Variants in CPT1A observed in about 807,000 individuals in gnomAD.
The protein encoded by CPT1A is carnitine O-palmitoyltransferase 1, liver isoform.
A neutral mutation model predicts 100.8 loss-of-function variants in CPT1A; 64 were observed. The ratio of observed to expected loss-of-function variants is 0.63; its 90% CI spans 0.52 to 0.78. CPT1A has a LOEUF of 0.78. Among genes scored for constraint, CPT1A ranks in the 30% least tolerant of loss-of-function variants. The pLI, the probability that CPT1A is intolerant of heterozygous loss-of-function variation, is 0.00. For missense variants in CPT1A, 802 were observed against 1,034.1 expected (o/e 0.78, Z 3.08); for synonymous variants, 363 against 396.0 (o/e 0.92, Z 0.99).
At chr11:68,773,557 T>C in intron 13 of CPT1A, 128 bp from the exon 14 acceptor site, 1 of 1,521,756 alleles carries the variant, frequency 6.6e-7, no homozygotes. Context: ...CACAAACGTT[T>C]TCCTGACCCA....
chr11:68,779,444 T>C (rs1052320973), intron 12 of CPT1A, among the ~76,000 whole-genome samples: 3 of 141,290 alleles, frequency 2.1e-5, no homozygotes, highest in Non-Finnish European at 4.5e-5. Context: ...ATTTAATTTC[T>C]CATGCCAAAC....
Position 68,755,066 on chromosome 11 carries a change from T to C in CPT1A, c.*2578A>G, listed in dbSNP as rs188446249. The C allele has an allele frequency of 4.4e-5, 24 of 550,876 alleles. No individual in the cohort carries two copies. The highest frequency in any genetic ancestry group is 6.8e-5 in the Non-Finnish European group (21 of 308,352). The allele number at this position is 550,876 out of a possible 1,614,324, so 34.1% of individuals were successfully genotyped here. A position where few individuals can be genotyped will look rare whatever the true frequency, so the allele number is the denominator to read the frequency against. On this transcript the variant is annotated 3_prime_UTR_variant, in exon 19 of 19. Transcript: ENST00000265641. ...TTAAATTAAACAGATAATACTCTTA[T>C]CACCCCCCTTGGACATGTACAATAA...
At chr11:68,812,658 G>A in intron 2 of CPT1A, 82 bp from the exon 3 acceptor site, 2 of 1,542,666 alleles carry the variant, frequency 1.3e-6, no homozygotes, top group Non-Finnish European at 1.8e-6. Context: ...TGGCAGCAGG[G>A]CTGCTGGGAC....
At chr11:68,761,031 A>AAAAT (rs985289742) in intron 16 of CPT1A, among the ~76,000 whole-genome samples, 10 of 151,762 alleles carry the variant, frequency 6.6e-5, no homozygotes, top group South Asian at 2.1e-4. Context: ...CAAAAAATAA[A>AAAAT]AAATAAATAA....
intron 9 of CPT1A, among the ~76,000 whole-genome samples, chr11:68,787,980 GCA>G (rs1470432715): frequency 1.3e-5 from 2 of 149,440 alleles, no homozygotes; most frequent in East Asian, 4.0e-4. Context: ...TTTAGGACAC[GCA>G]CAGAGGGATG....
At chr11:68,781,590 A>C (rs896894971) in intron 11 of CPT1A, among the ~76,000 whole-genome samples, 181 bp downstream of exon 11, 2 of 152,236 alleles carry the variant, frequency 1.3e-5, no homozygotes, top group African/African-American at 2.4e-5. Flanking sequence ...ACTGCACTCC[A>C]GCCTGGGTGA....
intron 13 of CPT1A, 76 bp downstream of exon 13, chr11:68,775,240 G>T: frequency 8.0e-7 from 1 of 1,250,412 alleles, no homozygotes; most frequent in Non-Finnish European, 1.2e-6. Flanking sequence ...AACTACGGTT[G>T]GAAAATTCAT....
intron 7 of CPT1A, among the ~76,000 whole-genome samples, chr11:68,796,384 C>T (rs1855755646): frequency 6.6e-6 from 1 of 152,094 alleles, no homozygotes; most frequent in African/African-American, 2.4e-5. Flanking sequence ...TGGTCAAACC[C>T]CGTCTCTACT....
At chr11:68,828,742 A>AGCAG (rs113202467) in intron 1 of CPT1A, among the ~76,000 whole-genome samples, 118,142 of 151,774 alleles carry the variant, frequency 0.78, 48,443 homozygotes, top group Non-Finnish European at 0.92. Flanking sequence ...GGCTTGGGCA[A>AGCAG]GCGTCCGCCT....
chr11:68,759,336 A>G (rs1346882515), intron 18 of CPT1A, among the ~76,000 whole-genome samples: 1 of 151,746 alleles, frequency 6.6e-6, no homozygotes, highest in African/African-American at 2.4e-5. Context: ...CAGAGGTTAC[A>G]GTGAGCCAAG....
At chr11:68,813,173 T>A (rs1047775071) in intron 2 of CPT1A, among the ~76,000 whole-genome samples, 32 of 151,846 alleles carry the variant, frequency 2.1e-4, no homozygotes, top group African/African-American at 7.5e-4. Context: ...CAACTCCAAT[T>A]AAAAAAAATT....
At position 68,757,369 on chromosome 11, in the gene CPT1A, T is replaced by C; in HGVS notation, c.*275A>G. ...TAATTCCTTCATTAACTCAACAAGA[T>C]TTGCATCCCTTAATAAATCCAAGCC... On this transcript the variant is annotated 3_prime_UTR_variant, in exon 19 of 19. Coordinates refer to ENST00000265641, the MANE Select transcript of CPT1A (RefSeq NM_001876.4). The C allele has an allele frequency of 7.5e-7, 1 of 1,324,840 alleles. No individual in the cohort carries two copies. Among genetic ancestry groups the C allele is most frequent in the Non-Finnish European group, 9.7e-7 (1 of 1,032,372 alleles). 82.1% of individuals were successfully genotyped at this position (1,324,840 alleles called of 1,614,324 possible).
chr11:68,799,186 T>C lies in CPT1A; in HGVS notation c.693+32A>G, dbSNP rs1241045519. 2.5e-6 allele frequency: 4 copies of C among 1,604,176 alleles called. No individual in the cohort carries two copies. The African/African-American group carries it at 5.4e-5, about 21-fold the overall frequency. ...AATTAGCGTCTTCATACGGAAAAAT[T>C]TCATCAAGAAAAACTGTGTATACAG... On this transcript the variant is annotated intron_variant, in intron 6 of 18. Transcript: ENST00000265641.
At chr11:68,810,464 C>G (rs1208143638) in intron 3 of CPT1A, among the ~76,000 whole-genome samples, 1 of 152,190 alleles carries the variant, frequency 6.6e-6, no homozygotes, top group Non-Finnish European at 1.5e-5. Flanking sequence ...TTCTTGCAGA[C>G]TCTTATAGAG....
At position 68,799,354 on chromosome 11, in the gene CPT1A, T is replaced by C. The variant is rs759188040; in HGVS notation, c.557A>G (p.Tyr186Cys). 5 of 1,613,656 alleles carry C rather than the reference T, an allele frequency of 3.1e-6. No individual in the cohort carries two copies. The highest frequency in any genetic ancestry group is 1.3e-5 in the African/African-American group (1 of 74,832). The change falls in exon 6 of 19, where the codon TAT becomes TGT. Residue 186 changes from tyrosine to cysteine, a missense_variant and splice_region_variant. Transcript: ENST00000265641. ...CATAAGAGGCCTCACCGACTGTAGATACTGGGATTATTGGGGGAAAAAAAA... is the reference window on the plus strand; with the variant it reads ...CATAAGAGGCCTCACCGACTGTAGACACTGGGATTATTGGGGGAAAAAAAA... Reference protein sequence around the residue: ...VPAVKDTVNRYLQSVRPLMKE... With the variant: ...VPAVKDTVNRCLQSVRPLMKE...
intron 14 of CPT1A, among the ~76,000 whole-genome samples, chr11:68,766,844 AAAG>A (rs1854821178): frequency 6.6e-6 from 1 of 152,106 alleles, no homozygotes; most frequent in African/African-American, 2.4e-5. Context: ...AAAAAAAAGA[AAAG>A]AAAAAGGAAA....
rs1442393247 is a variant in CPT1A, at chr11:68,841,896, C to G, written c.-135G>C. 4 of 985,662 alleles carry G rather than the reference C, an allele frequency of 4.1e-6. No individual in the cohort carries two copies. In the African/African-American group the frequency reaches 5.3e-5, roughly 13 times the overall value. The allele number at this position is 985,662 out of a possible 1,614,324, so 61.1% of individuals were successfully genotyped here. On this transcript the variant is annotated 5_prime_UTR_variant, in exon 1 of 19. Transcript: ENST00000265641. The surrounding 1 kb of genome is among the most constrained non-coding windows in gnomAD (Gnocchi z 6.3). The stretch of plus-strand genomic sequence containing the variant: ...GGCCGCGGGCGAGGCCGAGCGCACC[C>G]GACGCCGGCAGCAGCGGATTGGCTG...
intron 7 of CPT1A, among the ~76,000 whole-genome samples, chr11:68,796,145 G>C (rs1051050638): frequency 5.9e-5 from 9 of 152,136 alleles, no homozygotes; most frequent in African/African-American, 1.9e-4. Flanking sequence ...GAAAACAGTA[G>C]GGTGAAGCGC....
At chr11:68,773,673 C>A in intron 13 of CPT1A, 1 of 511,990 alleles carries the variant, frequency 2.0e-6, no homozygotes. Flanking sequence ...AGGGCTTCCT[C>A]CGACACACAC....
Sources: gnomAD v4.1 joint callset for allele counts (sites outside exome capture counted in the v4.1 genomes callset) on GRCh38, gnomAD v4.1.1 for gene constraint, Gnocchi (gnomAD v3.1) non-coding constraint, MANE v1.5 for transcripts, NCBI Gene and HGNC (gene_info 2026-07-23, HGNC 2026-07-21) for gene names.